Variants in GPR137C observed in about 807,000 individuals in gnomAD.
GPR137C encodes the protein integral membrane protein GPR137C.
GPR137C carries 27 observed loss-of-function variants against 43.4 expected under a neutral mutation model. The ratio of observed to expected loss-of-function variants is 0.62; its 90% CI spans 0.46 to 0.86. The LOEUF is 0.86. Ranked by LOEUF, GPR137C falls within the 40% of genes least tolerant of loss-of-function variation. GPR137C has a pLI of 0.00. For synonymous variants in GPR137C, 285 were observed against 226.9 expected (o/e 1.26, Z -2.30); for missense variants, 522 against 534.6 (o/e 0.98, Z 0.23).
At chr14:52,592,828 C>A (rs1324062938) in intron 1 of GPR137C, among the ~76,000 whole-genome samples, 7 of 152,172 alleles carry the variant, frequency 4.6e-5, no homozygotes, top group Admixed American at 1.3e-4. Flanking sequence ...TTATTTCTTT[C>A]TCTTGCCTGA....
At chr14:52,561,676 G>A (rs894108657) in intron 1 of GPR137C, among the ~76,000 whole-genome samples, 4 of 152,166 alleles carry the variant, frequency 2.6e-5, no homozygotes, top group Non-Finnish European at 4.4e-5. Flanking sequence ...ACACAACAAC[G>A]TGGATTAATC....
intron 1 of GPR137C, among the ~76,000 whole-genome samples, chr14:52,594,502 T>C (rs1213095784): frequency 6.6e-6 from 1 of 152,236 alleles, no homozygotes; most frequent in Admixed American, 6.5e-5. Context: ...TGGGTGCTTC[T>C]GTATTGGGTG....
At chr14:52,625,772 T>C (rs1377369300) in intron 3 of GPR137C, among the ~76,000 whole-genome samples, 2 of 151,722 alleles carry the variant, frequency 1.3e-5, no homozygotes, top group Non-Finnish European at 2.9e-5. Flanking sequence ...GCCAGGATGG[T>C]CTCGATCTCC....
intron 3 of GPR137C, among the ~76,000 whole-genome samples, chr14:52,615,684 G>T (rs568447349): frequency 6.6e-6 from 1 of 151,810 alleles, no homozygotes; most frequent in African/African-American, 2.4e-5. Context: ...TCACTTCTTC[G>T]GTTGACTTAA....
chr14:52,594,921 C>G (rs1315383839), intron 1 of GPR137C, among the ~76,000 whole-genome samples: 3 of 152,170 alleles, frequency 2.0e-5, no homozygotes, highest in Non-Finnish European at 2.9e-5. Context: ...CATTGATGAT[C>G]TGTATAATTT....
chr14:52,631,066 A>T (rs1384447035), intron 3 of GPR137C, among the ~76,000 whole-genome samples: 1 of 152,196 alleles, frequency 6.6e-6, no homozygotes, highest in South Asian at 2.1e-4. Context: ...ACAAAGCACA[A>T]ATTTCCTTCA....
chr14:52,618,681 C>T lies in GPR137C; in HGVS notation c.718-13479C>T, dbSNP rs148596489. On this transcript the variant is annotated intron_variant, in intron 3 of 6. Coordinates refer to ENST00000321662, the MANE Select transcript of GPR137C (RefSeq NM_001099652.2). Reference sequence around the variant, plus strand: ...AGAATTATAACTTTTAACATTAAAACGCATGCTAATAGAATTATTTTTATT... The same window carrying T: ...AGAATTATAACTTTTAACATTAAAATGCATGCTAATAGAATTATTTTTATT... Among the ~76,000 whole-genome samples, 277 of 152,074 alleles carry T rather than the reference C, an allele frequency of 1.8e-3. 1 individual carries two copies. The highest frequency in any genetic ancestry group is 6.3e-3 in the African/African-American group (262 of 41,504).
rs141303770 is a variant in GPR137C, at chr14:52,611,880, G to A, written c.717+11539G>A. The A allele has an allele frequency of 1.1e-3, 994 of 892,546 alleles. 9 individuals carry two copies. In the African/African-American group the frequency reaches 0.017, roughly 15 times the overall value. 55.3% of individuals were successfully genotyped at this position (892,546 alleles called of 1,614,324 possible). ...TGTATGGAAAGTCATAGTATATTAC[G>A]TGGCACTAAAAATATAAATGTTGAC... On this transcript the variant is annotated intron_variant, in intron 3 of 6. Transcript: ENST00000321662.
chr14:52,622,088 T>C (rs924319945), intron 3 of GPR137C, among the ~76,000 whole-genome samples: 2 of 151,952 alleles, frequency 1.3e-5, no homozygotes, highest in Non-Finnish European at 2.9e-5. Context: ...TCTATTGTGG[T>C]ATGTTGTTTA....
chr14:52,569,070 G>A (rs1402550543), intron 1 of GPR137C, among the ~76,000 whole-genome samples: 1 of 152,218 alleles, frequency 6.6e-6, no homozygotes, highest in Non-Finnish European at 1.5e-5. Context: ...TCTGATGGGT[G>A]CCCGTCTGGG....
intron 1 of GPR137C, among the ~76,000 whole-genome samples, chr14:52,577,722 G>T (rs1402261488): frequency 6.6e-6 from 1 of 151,444 alleles, no homozygotes; most frequent in Non-Finnish European, 1.5e-5. Flanking sequence ...CAGCACTTTG[G>T]GAGGCTGAGG....
At chr14:52,569,676 A>G (rs893835020) in intron 1 of GPR137C, among the ~76,000 whole-genome samples, 2 of 151,808 alleles carry the variant, frequency 1.3e-5, no homozygotes, top group African/African-American at 4.8e-5. Flanking sequence ...TCTATCAAGC[A>G]GAAGAAAGGA....
intron 1 of GPR137C, among the ~76,000 whole-genome samples, chr14:52,556,215 G>T (rs532688702): frequency 2.0e-5 from 3 of 151,926 alleles, no homozygotes; most frequent in Non-Finnish European, 2.9e-5. Flanking sequence ...CTTTTCACTT[G>T]TTTAAAGCAT....
intron 1 of GPR137C, among the ~76,000 whole-genome samples, chr14:52,568,643 C>T (rs1012732632): frequency 1.5e-4 from 23 of 152,106 alleles, no homozygotes; most frequent in Admixed American, 1.4e-3. Flanking sequence ...GTAGAGTAGG[C>T]GATTTTCCCC....
chr14:52,587,154 C>T (rs2038723805), intron 1 of GPR137C, among the ~76,000 whole-genome samples: 1 of 152,166 alleles, frequency 6.6e-6, no homozygotes, highest in South Asian at 2.1e-4. Flanking sequence ...TTTATTCAAA[C>T]ACTGTCTGAA....
intron 3 of GPR137C, among the ~76,000 whole-genome samples, chr14:52,604,940 A>G (rs920534024): frequency 1.3e-5 from 2 of 152,174 alleles, no homozygotes; most frequent in Admixed American, 6.5e-5. Context: ...TGCCAGTACC[A>G]TGCTGTTTTG....
Position 52,600,943 on chromosome 14 carries a change from C to G in GPR137C, c.717+602C>G, listed in dbSNP as rs551557539. Among the ~76,000 whole-genome samples, 7 of 152,214 alleles carry G rather than the reference C, an allele frequency of 4.6e-5. No homozygotes were observed. The South Asian group carries it at 1.5e-3, about 32-fold the overall frequency. On this transcript the variant is annotated intron_variant, in intron 3 of 6. Transcript: ENST00000321662. ...ATAAAGGTTAGAAAATGTTACTTCA[C>G]CCAATAATATGAAGGCTGTGTGATA...
At chr14:52,588,234 T>A (rs1401705502) in intron 1 of GPR137C, among the ~76,000 whole-genome samples, 1 of 152,178 alleles carries the variant, frequency 6.6e-6, no homozygotes, top group East Asian at 1.9e-4. Context: ...ACCCTCTGCC[T>A]CCCGAGTTCA....
At position 52,637,500 on chromosome 14, in the gene GPR137C, G is replaced by A. The variant is rs2039366107; in HGVS notation, c.*2385G>A. On this transcript the variant is annotated 3_prime_UTR_variant, in exon 7 of 7. Coordinates refer to ENST00000321662, the MANE Select transcript of GPR137C (RefSeq NM_001099652.2). ...TTTGAAACCTTTACCACTCATTGTA[G>A]TTGGTTGTAGTTTTATGGAAAATGT... The A allele has an allele frequency of 6.6e-6, 1 of 152,136 alleles. No homozygotes were observed. Among genetic ancestry groups the A allele is most frequent in the African/African-American group, 2.4e-5 (1 of 41,450 alleles). The allele number at this position is 152,136 out of a possible 1,614,324, so 9.4% of individuals were successfully genotyped here.
Sources: gnomAD v4.1 joint callset for allele counts (sites outside exome capture counted in the v4.1 genomes callset) on GRCh38, gnomAD v4.1.1 for gene constraint, MANE v1.5 for transcripts, NCBI Gene and HGNC (gene_info 2026-07-23, HGNC 2026-07-21) for gene names.